KCNH5: variants seen among roughly 807,000 people sequenced by gnomAD.
KCNH5 encodes potassium voltage-gated channel subfamily H member 5.
In KCNH5, 46 loss-of-function variants were observed where a neutral mutation model predicts 96.1. The observed-to-expected ratio is 0.48, with a 90% CI of 0.38 to 0.61. KCNH5 has a LOEUF of 0.61. Among genes scored for constraint, KCNH5 ranks in the 20% least tolerant of loss-of-function variants. The pLI is 0.00. For missense variants in KCNH5, 907 were observed against 1,225.8 expected (o/e 0.74, Z 3.88); for synonymous variants, 439 against 449.8 (o/e 0.98, Z 0.30).
At chr14:62,960,499 A>T (rs1594646704) in intron 6 of KCNH5, among the ~76,000 whole-genome samples, 1 of 152,318 alleles carries the variant, frequency 6.6e-6, no homozygotes, top group East Asian at 1.9e-4. Flanking sequence ...CATAATCAAT[A>T]ATTAATAGCT....
intron 7 of KCNH5, among the ~76,000 whole-genome samples, chr14:62,891,741 T>G (rs1365951856): frequency 6.6e-6 from 1 of 152,242 alleles, no homozygotes; most frequent in Admixed American, 6.5e-5. Flanking sequence ...TGTGTCTCTG[T>G]GTCACATTTT....
intron 6 of KCNH5, among the ~76,000 whole-genome samples, chr14:62,964,833 A>G (rs576233607): frequency 1.3e-5 from 2 of 152,262 alleles, no homozygotes; most frequent in South Asian, 4.1e-4. Context: ...TTATCAAATG[A>G]TTAGATGACC....
chr14:62,820,166 G>C (rs1014425423), intron 8 of KCNH5, among the ~76,000 whole-genome samples: 2 of 152,022 alleles, frequency 1.3e-5, no homozygotes, highest in African/African-American at 4.8e-5. Context: ...GCTCTGAGGG[G>C]GGTATATAAA....
chr14:62,802,681 G>A, intron 8 of KCNH5, 100 bp from the exon 9 acceptor site: 2 of 1,327,900 alleles, frequency 1.5e-6, no homozygotes, highest in South Asian at 1.4e-5. Context: ...GACTATGTCT[G>A]CTACACTGCT....
intron 5 of KCNH5, among the ~76,000 whole-genome samples, chr14:62,982,996 C>A (rs374609743): frequency 1.4e-4 from 21 of 152,106 alleles, no homozygotes; most frequent in African/African-American, 5.1e-4. Flanking sequence ...CAACTACTGG[C>A]CTGTCAATTC....
chr14:63,031,791 G>A (rs1891632132), intron 1 of KCNH5, among the ~76,000 whole-genome samples: 1 of 152,116 alleles, frequency 6.6e-6, no homozygotes, highest in Non-Finnish European at 1.5e-5. Context: ...TATGGAAGAT[G>A]ATGAATAGGT....
chr14:62,890,126 C>A (rs1205298197), intron 7 of KCNH5, among the ~76,000 whole-genome samples: 1 of 152,070 alleles, frequency 6.6e-6, no homozygotes, highest in South Asian at 2.1e-4. Context: ...ACTATAAAAA[C>A]CCTGGAAGAC....
chr14:62,788,438 T>C (rs1326520586), intron 9 of KCNH5, among the ~76,000 whole-genome samples: 2 of 152,186 alleles, frequency 1.3e-5, no homozygotes, highest in African/African-American at 4.8e-5. Flanking sequence ...GCCATGAACA[T>C]TGTTGAAATG....
chr14:62,732,381 A>T (rs560179260), intron 10 of KCNH5, among the ~76,000 whole-genome samples: 1 of 152,142 alleles, frequency 6.6e-6, no homozygotes, highest in African/African-American at 2.4e-5. Flanking sequence ...ATCTGTCAAG[A>T]CTTTTCTGCA....
chr14:62,954,767 C>T (rs899506825), intron 6 of KCNH5, among the ~76,000 whole-genome samples: 11 of 152,070 alleles, frequency 7.2e-5, no homozygotes, highest in South Asian at 2.1e-4. Context: ...CAGTTCCACA[C>T]GGCTGGGGAG....
chr14:62,811,439 C>T lies in KCNH5; in HGVS notation c.1570-8858G>A, dbSNP rs537156620. Among the ~76,000 whole-genome samples, 3 of 152,260 alleles carry T rather than the reference C, an allele frequency of 2.0e-5. No homozygotes were observed. In the South Asian group the frequency reaches 6.2e-4, roughly 32 times the overall value. On this transcript the variant is annotated intron_variant, in intron 8 of 10. Coordinates refer to ENST00000322893, the MANE Select transcript of KCNH5 (RefSeq NM_139318.5). ...ATGTTCTCCCATTACTCTTTGCCTT[C>T]ACACATGCTTTTCCTTTTTACTGGC... is the stretch of plus-strand genomic sequence containing the variant.
At chr14:62,751,967 C>T (rs556756352) in intron 10 of KCNH5, among the ~76,000 whole-genome samples, 13 of 152,262 alleles carry the variant, frequency 8.5e-5, no homozygotes, top group East Asian at 1.9e-4. Context: ...CTCAACTAAA[C>T]GCCCTTGAAA....
rs532465041 is a variant in KCNH5 at position 62,770,065 on chromosome 14, C to A, written c.2019+9663G>T. The stretch of plus-strand genomic sequence containing the variant: ...GGATTCGTGGAACAAACGGGCTCTA[C>A]TATTTTGTTTAGCTAATATACCATT... On this transcript the variant is annotated intron_variant, in intron 10 of 10. Transcript: ENST00000322893. 2.0e-5 allele frequency among the ~76,000 whole-genome samples: 3 copies of A among 152,162 alleles called. No individual in the cohort carries two copies. In the East Asian group the frequency reaches 5.8e-4, roughly 29 times the overall value.
chr14:62,780,779 G>T (rs542654143), intron 9 of KCNH5, among the ~76,000 whole-genome samples: 1 of 152,074 alleles, frequency 6.6e-6, no homozygotes, highest in Non-Finnish European at 1.5e-5. Flanking sequence ...CCATTCTGCC[G>T]AGGCAGTTCC....
chr14:62,818,586 C>G (rs1310452303), intron 8 of KCNH5, among the ~76,000 whole-genome samples: 2 of 152,116 alleles, frequency 1.3e-5, no homozygotes, highest in Non-Finnish European at 2.9e-5. Flanking sequence ...AAATAGCATA[C>G]CACTACTCAA....
At chr14:62,908,792 T>TTTTTTTTTTTTTTTTG in intron 7 of KCNH5, among the ~76,000 whole-genome samples, 1 of 124,390 alleles carries the variant, frequency 8.0e-6, no homozygotes, top group Non-Finnish European at 1.7e-5. Context: ...ATTTTTTTTT[T>TTTTTTTTTTTTTTTTG]TTTTTTTTTT....
intron 7 of KCNH5, 158 bp downstream of exon 7, chr14:62,949,975 A>C: frequency 3.2e-6 from 2 of 630,182 alleles, no homozygotes; most frequent in Non-Finnish European, 5.5e-6. Context: ...ATTATTTTGC[A>C]TTTCTATTTT....
intron 8 of KCNH5, among the ~76,000 whole-genome samples, chr14:62,826,069 T>A (rs1887217929): frequency 6.6e-6 from 1 of 152,230 alleles, no homozygotes; most frequent in South Asian, 2.1e-4. Flanking sequence ...CTACATCCAT[T>A]CTTATTTTTG....
intron 1 of KCNH5, among the ~76,000 whole-genome samples, chr14:63,029,212 T>C (rs918171425): frequency 6.6e-6 from 1 of 152,158 alleles, no homozygotes; most frequent in Non-Finnish European, 1.5e-5. Context: ...TGTTATCAAG[T>C]GGTAAACATT....
Sources: gnomAD v4.1 joint callset for allele counts (sites outside exome capture counted in the v4.1 genomes callset) on GRCh38, gnomAD v4.1.1 for gene constraint, MANE v1.5 for transcripts, NCBI Gene and HGNC (gene_info 2026-07-23, HGNC 2026-07-21) for gene names.